Variants in PCDHGA10 observed in about 807,000 individuals in gnomAD.
The protein encoded by PCDHGA10 is protocadherin gamma subfamily A, 10, also known as protocadherin gamma-A10.
Under a neutral mutation model 59.5 loss-of-function variants are expected in PCDHGA10, and 42 were observed. The ratio of observed to expected loss-of-function variants is 0.71; its 90% CI spans 0.55 to 0.91. PCDHGA10 has a LOEUF of 0.91. PCDHGA10 is among the 40% of genes least tolerant of loss of function. PCDHGA10 has a pLI of 0.00. For synonymous variants in PCDHGA10, 511 were observed against 517.2 expected (o/e 0.99, Z 0.16); for missense variants, 1,111 against 1,198.2 (o/e 0.93, Z 1.07).
intron 1 of PCDHGA10, 162 bp from the exon 2 acceptor site, chr5:141,494,645 G>A: frequency 1.1e-6 from 1 of 935,948 alleles, no homozygotes. Flanking sequence ...GAGACCTGAG[G>A]TGTATTTTGT....
intron 1 of PCDHGA10, chr5:141,418,549 C>T: frequency 6.2e-7 from 1 of 1,614,024 alleles, no homozygotes; most frequent in Non-Finnish European, 8.5e-7. Context: ...AGATAAGAAT[C>T]CTGGTAATAG....
rs772659046 is a variant in PCDHGA10 at position 141,426,970 on chromosome 5, A to C, written c.2436+11359A>C. On this transcript the variant is annotated intron_variant, in intron 1 of 3. Coordinates refer to ENST00000398610, the MANE Select transcript of PCDHGA10 (RefSeq NM_018913.3). Reference sequence around the variant, plus strand: ...ACTGGCACTGCTGCAATTCAAATTGAGGTCACTGATGCCAACGATAATGCC... The same window carrying C: ...ACTGGCACTGCTGCAATTCAAATTGCGGTCACTGATGCCAACGATAATGCC... 72 of 456,624 alleles carry C rather than the reference A, an allele frequency of 1.6e-4. No homozygotes were observed. In the Middle Eastern group the frequency reaches 1.6e-3, roughly 10 times the overall value. The allele number at this position is 456,624 out of a possible 1,614,324, so 28.3% of individuals were successfully genotyped here. A position where few individuals can be genotyped will look rare whatever the true frequency, so the allele number is the denominator to read the frequency against.
chr5:141,470,742 G>T (rs2099238719), intron 1 of PCDHGA10, among the ~76,000 whole-genome samples: 1 of 152,066 alleles, frequency 6.6e-6, no homozygotes, highest in African/African-American at 2.4e-5. Flanking sequence ...CTGTCGCCCT[G>T]GCTGGAGTGC....
chr5:141,470,262 A>C (rs924170384), intron 1 of PCDHGA10, among the ~76,000 whole-genome samples: 2 of 152,126 alleles, frequency 1.3e-5, no homozygotes, highest in African/African-American at 4.8e-5. Context: ...CTAAATGGAG[A>C]TACATGTTTG....
chr5:141,464,980 GATCCT>G (rs2154568684), intron 1 of PCDHGA10, among the ~76,000 whole-genome samples: 1 of 151,990 alleles, frequency 6.6e-6, no homozygotes, highest in East Asian at 1.9e-4. Flanking sequence ...GGCTTCAAGT[GATCCT>G]CCCACCTCAG....
At position 141,486,364 on chromosome 5, in the gene PCDHGA10, C is replaced by T; in HGVS notation, c.2437-8443C>T. 1 of 1,614,068 alleles carries T rather than the reference C, an allele frequency of 6.2e-7. No homozygotes were observed. The highest frequency in any genetic ancestry group is 1.1e-5 in the South Asian group (1 of 91,074). On this transcript the variant is annotated intron_variant, in intron 1 of 3. Transcript: ENST00000398610. The surrounding 1 kb of genome is among the most constrained non-coding windows in gnomAD (Gnocchi z 5.0). ...TTCCTGACCACTTGCCATTTGCCCT[C>T]AAGTCTGCCTTCAGGAACCAGTTCT...
At position 141,486,315 on chromosome 5, in the gene PCDHGA10, C is replaced by T. The variant is rs1432435944; in HGVS notation, c.2437-8492C>T. The T allele has an allele frequency of 6.2e-7, 1 of 1,614,066 alleles. No individual in the cohort carries two copies. Among genetic ancestry groups the T allele is most frequent in the East Asian group, 2.2e-5 (1 of 44,862 alleles). ...AGTGTGCAGGATCCAGACTCAGGGT[C>T]AAACGGAGATGTGAGCCTCCGCATT... On this transcript the variant is annotated intron_variant, in intron 1 of 3. Transcript: ENST00000398610. The surrounding 1 kb of genome is among the most constrained non-coding windows in gnomAD (Gnocchi z 5.0).
At position 141,485,800 on chromosome 5, in the gene PCDHGA10, C is replaced by T. The variant is rs1231777430; in HGVS notation, c.2437-9007C>T. On this transcript the variant is annotated intron_variant, in intron 1 of 3. Coordinates refer to ENST00000398610, the MANE Select transcript of PCDHGA10 (RefSeq NM_018913.3). This position sits in a 1 kb window ranked among gnomAD's most constrained non-coding sequence, Gnocchi z 5.7. The stretch of plus-strand genomic sequence containing the variant: ...ATCGAGAGAAGCAATCGGACTACCG[C>T]CTGGTGCTGACTGCTGTCGATGGAG... 1 of 1,614,228 alleles carries T rather than the reference C, an allele frequency of 6.2e-7. No homozygotes were observed. Among genetic ancestry groups the T allele is most frequent in the East Asian group, 2.2e-5 (1 of 44,878 alleles).
intron 1 of PCDHGA10, chr5:141,421,678 G>C (rs903229017): frequency 3.7e-6 from 6 of 1,613,776 alleles, no homozygotes; most frequent in Non-Finnish European, 5.1e-6. Context: ...AATTCCTGGG[G>C]CGCGATTTGC....
rs1407225048 is a variant in PCDHGA10 at position 141,489,600 on chromosome 5, G to T, written c.2437-5207G>T. On this transcript the variant is annotated intron_variant, in intron 1 of 3. Coordinates refer to ENST00000398610, the MANE Select transcript of PCDHGA10 (RefSeq NM_018913.3). The surrounding 1 kb of genome is among the most constrained non-coding windows in gnomAD (Gnocchi z 4.5). ...ACCCCCTGGAGCTAATCCGTGTAGA[G>T]GTAGAGATCCTGGATCTCAATGACA... The T allele has an allele frequency of 7.4e-6, 12 of 1,613,916 alleles. 1 individual carries two copies. In the South Asian group the frequency reaches 1.2e-4, roughly 16 times the overall value.
intron 1 of PCDHGA10, among the ~76,000 whole-genome samples, chr5:141,439,530 C>T (rs1003383726): frequency 6.6e-6 from 1 of 152,180 alleles, no homozygotes; most frequent in Non-Finnish European, 1.5e-5. Flanking sequence ...CTCTACAGAA[C>T]GCTGTCCTCT....
rs771408685 is a variant in PCDHGA10, at chr5:141,486,166, G to T, written c.2437-8641G>T. ...GCGATGGGGGTTCTCCAGCCATGGA[G>T]CAACATTGCAGCCTTCGAGTGGATC... is the stretch of plus-strand genomic sequence containing the variant. On this transcript the variant is annotated intron_variant, in intron 1 of 3. Transcript: ENST00000398610. The surrounding 1 kb of genome is among the most constrained non-coding windows in gnomAD (Gnocchi z 5.0). 1.9e-6 allele frequency: 3 copies of T among 1,614,106 alleles called. No homozygotes were observed. Among genetic ancestry groups the T allele is most frequent in the Non-Finnish European group, 2.5e-6 (3 of 1,180,048 alleles).
intron 1 of PCDHGA10, among the ~76,000 whole-genome samples, chr5:141,457,931 T>G (rs1335457669): frequency 6.6e-6 from 1 of 152,184 alleles, no homozygotes; most frequent in Non-Finnish European, 1.5e-5. Context: ...CCAAGGGGCT[T>G]TTATTGGCTC....
chr5:141,413,042 G>T lies in PCDHGA10; in HGVS notation c.-134G>T. ...AGCCCCACAAACCGGCTGCTGGGCT[G>T]CAGGGAAGCTCACTCCAGAATTTAA... is the stretch of plus-strand genomic sequence containing the variant. On this transcript the variant is annotated 5_prime_UTR_variant, in exon 1 of 4. Coordinates refer to ENST00000398610, the MANE Select transcript of PCDHGA10 (RefSeq NM_018913.3). 1.2e-6 allele frequency: 1 copy of T among 857,566 alleles called. No individual in the cohort carries two copies. The highest frequency in any genetic ancestry group is 1.7e-6 in the Non-Finnish European group (1 of 576,124). The allele number at this position is 857,566 out of a possible 1,614,324, so 53.1% of individuals were successfully genotyped here.
At chr5:141,460,047 C>T (rs2098981053) in intron 1 of PCDHGA10, among the ~76,000 whole-genome samples, 1 of 152,102 alleles carries the variant, frequency 6.6e-6, no homozygotes. Context: ...CACTGCACTC[C>T]AGCCTGGGCA....
Position 141,487,295 on chromosome 5 carries a change from T to C in PCDHGA10, c.2437-7512T>C, listed in dbSNP as rs2099642474. The C allele has an allele frequency of 5.6e-6, 9 of 1,614,164 alleles. No individual in the cohort carries two copies. In the East Asian group the frequency reaches 1.3e-4, roughly 24 times the overall value. ...AATTTGCTTTGTCTCCTTTGGCTCA[T>C]TCGTGGCACTACTCTCTAAGTGTCT... On this transcript the variant is annotated intron_variant, in intron 1 of 3. Transcript: ENST00000398610. This position sits in a 1 kb window ranked among gnomAD's most constrained non-coding sequence, Gnocchi z 5.0.
At position 141,491,390 on chromosome 5, in the gene PCDHGA10, T is replaced by C; in HGVS notation, c.2437-3417T>C. 6.2e-7 allele frequency: 1 copy of C among 1,614,130 alleles called. No homozygotes were observed. Among genetic ancestry groups the C allele is most frequent in the Non-Finnish European group, 8.5e-7 (1 of 1,179,988 alleles). ...TTCACCTTTCTGTCAGCGAAGTGCC[T>C]TCAGGGAAACGCAGACGGGGACGGG... On this transcript the variant is annotated intron_variant, in intron 1 of 3. Coordinates refer to ENST00000398610, the MANE Select transcript of PCDHGA10 (RefSeq NM_018913.3). This position sits in a 1 kb window ranked among gnomAD's most constrained non-coding sequence, Gnocchi z 6.9.
intron 1 of PCDHGA10, among the ~76,000 whole-genome samples, chr5:141,450,162 A>T (rs2098671900): frequency 6.6e-6 from 1 of 151,624 alleles, no homozygotes; most frequent in Admixed American, 6.6e-5. Flanking sequence ...ATGTGCCACC[A>T]CACTCCCACC....
In PCDHGA10 at chr5:141,511,335, A is replaced by T; in HGVS notation, c.*162A>T. 7.0e-7 allele frequency: 1 copy of T among 1,438,820 alleles called. No homozygotes were observed. The highest frequency in any genetic ancestry group is 9.2e-7 in the Non-Finnish European group (1 of 1,083,596). The allele number at this position is 1,438,820 out of a possible 1,614,324, so 89.1% of individuals were successfully genotyped here. A position where few individuals can be genotyped will look rare whatever the true frequency, so the allele number is the denominator to read the frequency against. On this transcript the variant is annotated 3_prime_UTR_variant, in exon 4 of 4. Coordinates refer to ENST00000398610, the MANE Select transcript of PCDHGA10 (RefSeq NM_018913.3). ...AAACAGAAACAAGTGCCCAGTCAGC[A>T]CCTACCCCTTCCCCCCCAGGGGGTT...
Sources: gnomAD v4.1 joint callset for allele counts (sites outside exome capture counted in the v4.1 genomes callset) on GRCh38, gnomAD v4.1.1 for gene constraint, Gnocchi (gnomAD v3.1) non-coding constraint, MANE v1.5 for transcripts, NCBI Gene and HGNC (gene_info 2026-07-23, HGNC 2026-07-21) for gene names.